Variants in PITPNM2 observed in about 807,000 individuals in gnomAD.
PITPNM2 encodes phosphatidylinositol transfer protein membrane associated 2.
PITPNM2 carries 35 observed loss-of-function variants against 132.2 expected under a neutral mutation model. The observed-to-expected ratio is 0.26, with a 90% CI of 0.20 to 0.35. PITPNM2 has a LOEUF of 0.35. PITPNM2 is among the 10% of genes least tolerant of loss of function. The pLI, the probability that PITPNM2 is intolerant of heterozygous loss-of-function variation, is 1.00. For missense variants in PITPNM2, 1,332 were observed against 1,912.0 expected (o/e 0.70, Z 5.66); for synonymous variants, 738 against 799.2 (o/e 0.92, Z 1.29).
chr12:123,142,494 G>T (rs2043525809), intron 1 of PITPNM2, among the ~76,000 whole-genome samples: 1 of 152,178 alleles, frequency 6.6e-6, no homozygotes, highest in East Asian at 1.9e-4. Context: ...TATTAATGGT[G>T]TTTTAGTGTT....
At chr12:123,038,046 C>T (rs895582893) in intron 2 of PITPNM2, among the ~76,000 whole-genome samples, 4 of 152,150 alleles carry the variant, frequency 2.6e-5, no homozygotes, top group African/African-American at 9.6e-5. Context: ...AGGCTCCTGG[C>T]ACCTGGGTGG....
In PITPNM2 at chr12:122,987,500, C is replaced by T. The variant is rs775096522; in HGVS notation, c.3263+11G>A. On this transcript the variant is annotated intron_variant, in intron 22 of 25. Coordinates refer to ENST00000320201, the MANE Select transcript of PITPNM2 (RefSeq NM_020845.3). ...CCCTGCCTATCCCGCCCTCCCAGTGCAGGCATATACCTGACCACCATCTTG... is the reference window on the plus strand; with the variant it reads ...CCCTGCCTATCCCGCCCTCCCAGTGTAGGCATATACCTGACCACCATCTTG... 1.2e-6 allele frequency: 2 copies of T among 1,611,376 alleles called. No homozygotes were observed. Among genetic ancestry groups the T allele is most frequent in the South Asian group, 2.2e-5 (2 of 91,032 alleles).
At chr12:123,066,919 A>T (rs1439716694) in intron 2 of PITPNM2, among the ~76,000 whole-genome samples, 1 of 152,140 alleles carries the variant, frequency 6.6e-6, no homozygotes, top group Non-Finnish European at 1.5e-5. Context: ...CTGCCAGGCC[A>T]CACTCCCCGG....
chr12:123,042,311 T>G (rs2040511251), intron 2 of PITPNM2, among the ~76,000 whole-genome samples: 1 of 152,192 alleles, frequency 6.6e-6, no homozygotes, highest in Non-Finnish European at 1.5e-5. Context: ...TAAAGTGGAT[T>G]ACTGGGGTTT....
rs975349528 is a variant in PITPNM2 at position 123,034,755 on chromosome 12, G to C, written c.-95-70C>G. 4.7e-6 allele frequency: 3 copies of C among 633,284 alleles called. No individual in the cohort carries two copies. In the African/African-American group the frequency reaches 5.4e-5, roughly 11 times the overall value. 39.2% of individuals were successfully genotyped at this position (633,284 alleles called of 1,614,324 possible). On this transcript the variant is annotated intron_variant, in intron 2 of 25. Transcript: ENST00000320201. ...GGCTGGTGAATACCATAGCACAGAG[G>C]AAAGGCCCGGTCTACACCTGAGGCT...
chr12:123,069,999 C>A (rs1048487495), intron 2 of PITPNM2, among the ~76,000 whole-genome samples: 2 of 152,168 alleles, frequency 1.3e-5, no homozygotes, highest in East Asian at 1.9e-4. Context: ...GCTCATATGA[C>A]AAGCAGGGGC....
chr12:123,005,824 G>A lies in PITPNM2; in HGVS notation c.644-276C>T, dbSNP rs1016259488. 3 of 488,760 alleles carry A rather than the reference G, an allele frequency of 6.1e-6. No individual in the cohort carries two copies. Among genetic ancestry groups the A allele is most frequent in the East Asian group, 6.8e-5 (2 of 29,340 alleles). 30.3% of individuals were successfully genotyped at this position (488,760 alleles called of 1,614,324 possible). ...GGTCAGAAGCCACAGTTGGAAGGGC[G>A]CAGTGGCTCATGCCTGTAATCCCAA... On this transcript the variant is annotated intron_variant, in intron 6 of 25. Coordinates refer to ENST00000320201, the MANE Select transcript of PITPNM2 (RefSeq NM_020845.3). This position sits in a 1 kb window ranked among gnomAD's most constrained non-coding sequence, Gnocchi z 6.2.
In PITPNM2 at chr12:123,099,007, T is replaced by A. The variant is rs1472232366; in HGVS notation, c.-96+11378A>T. 6.6e-6 allele frequency among the ~76,000 whole-genome samples: 1 copy of A among 152,154 alleles called. No individual in the cohort carries two copies. Among genetic ancestry groups the A allele is most frequent in the Non-Finnish European group, 1.5e-5 (1 of 68,018 alleles). On this transcript the variant is annotated intron_variant, in intron 2 of 25. Coordinates refer to ENST00000320201, the MANE Select transcript of PITPNM2 (RefSeq NM_020845.3). This position sits in a 1 kb window ranked among gnomAD's most constrained non-coding sequence, Gnocchi z 4.2. Reference sequence around the variant, plus strand: ...TTGAAATGCTCCCTCTTGTATGAAATCTTCTCCATCAGATGTCAGCTGCTG... The same window carrying A: ...TTGAAATGCTCCCTCTTGTATGAAAACTTCTCCATCAGATGTCAGCTGCTG...
At chr12:123,122,941 T>C (rs1056493834) in intron 1 of PITPNM2, among the ~76,000 whole-genome samples, 1 of 152,204 alleles carries the variant, frequency 6.6e-6, no homozygotes, top group African/African-American at 2.4e-5. Flanking sequence ...GGAGTGTAAA[T>C]TGGTACTACC....
rs548822099 is a variant in PITPNM2 at position 122,993,903 on chromosome 12, C to T, written c.2233+898G>A. 8.7e-4 allele frequency among the ~76,000 whole-genome samples: 131 copies of T among 150,948 alleles called. 2 individuals are homozygous for T. In the South Asian group the frequency reaches 0.018, roughly 21 times the overall value. On this transcript the variant is annotated intron_variant, in intron 15 of 25. Coordinates refer to ENST00000320201, the MANE Select transcript of PITPNM2 (RefSeq NM_020845.3). The surrounding 1 kb of genome is among the most constrained non-coding windows in gnomAD (Gnocchi z 5.2). ...TTTCTTTTTTTTTGAGACTGAGTTT[C>T]GCTTTTGTTGCCCAGGCTGGAGTGC...
intron 1 of PITPNM2, among the ~76,000 whole-genome samples, chr12:123,149,062 T>A (rs1252492851): frequency 1.3e-5 from 2 of 152,236 alleles, no homozygotes; most frequent in African/African-American, 2.4e-5. Flanking sequence ...GGGCCTTAGA[T>A]ACGCAGAGGA....
chr12:123,123,899 G>A (rs1593027886), intron 1 of PITPNM2, among the ~76,000 whole-genome samples: 2 of 146,784 alleles, frequency 1.4e-5, no homozygotes, highest in South Asian at 2.2e-4. Context: ...TCGCACCACC[G>A]CACTCTACCC....
chr12:123,115,591 G>A (rs1436203894), intron 1 of PITPNM2, among the ~76,000 whole-genome samples: 10 of 151,658 alleles, frequency 6.6e-5, no homozygotes, highest in Non-Finnish European at 1.3e-4. Flanking sequence ...ATACACACAC[G>A]CATAACAAAG....
chr12:123,126,162 C>T (rs1202384680), intron 1 of PITPNM2, among the ~76,000 whole-genome samples: 1 of 152,090 alleles, frequency 6.6e-6, no homozygotes, highest in Non-Finnish European at 1.5e-5. Flanking sequence ...AGCCACCATG[C>T]CCAGCCTAGG....
chr12:123,005,603 G>A lies in PITPNM2; in HGVS notation c.644-55C>T. On this transcript the variant is annotated intron_variant, in intron 6 of 25. Coordinates refer to ENST00000320201, the MANE Select transcript of PITPNM2 (RefSeq NM_020845.3). The surrounding 1 kb of genome is among the most constrained non-coding windows in gnomAD (Gnocchi z 6.2). ...GACGAGGGGAGGGAGGTCAGCGCAG[G>A]AGCCTGCACGGAAGTGTGGGGCCCA... 6.5e-7 allele frequency: 1 copy of A among 1,549,824 alleles called. No homozygotes were observed. Among genetic ancestry groups the A allele is most frequent in the Non-Finnish European group, 8.8e-7 (1 of 1,142,010 alleles).
At position 123,004,099 on chromosome 12, in the gene PITPNM2, G is replaced by A. The variant is rs1003386009; in HGVS notation, c.1048+295C>T. Among the ~76,000 whole-genome samples the A allele has an allele frequency of 6.6e-6, 1 of 152,158 alleles. No homozygotes were observed. Among genetic ancestry groups the A allele is most frequent in the Non-Finnish European group, 1.5e-5 (1 of 68,028 alleles). ...TACGGAATAAAGCCCTAGTCTGATG[G>A]TGTATCCTTATTTGGGGTTTCAAGA... On this transcript the variant is annotated intron_variant, in intron 8 of 25. Coordinates refer to ENST00000320201, the MANE Select transcript of PITPNM2 (RefSeq NM_020845.3). This position sits in a 1 kb window ranked among gnomAD's most constrained non-coding sequence, Gnocchi z 4.9.
At position 123,031,265 on chromosome 12, in the gene PITPNM2, A is replaced by C. The variant is rs145413945; in HGVS notation, c.78+3248T>G. 3.3e-5 allele frequency among the ~76,000 whole-genome samples: 5 copies of C among 152,352 alleles called. No individual in the cohort carries two copies. In the East Asian group the frequency reaches 9.7e-4, roughly 29 times the overall value. On this transcript the variant is annotated intron_variant, in intron 3 of 25. Coordinates refer to ENST00000320201, the MANE Select transcript of PITPNM2 (RefSeq NM_020845.3). This position sits in a 1 kb window ranked among gnomAD's most constrained non-coding sequence, Gnocchi z 4.5. Reference sequence around the variant, plus strand: ...TAGCCTGAGCCCCGTCCATGCAGACAGTAGGCAGGCCAGCGTTTTGCCCCT... The same window carrying C: ...TAGCCTGAGCCCCGTCCATGCAGACCGTAGGCAGGCCAGCGTTTTGCCCCT...
At position 123,022,306 on chromosome 12, in the gene PITPNM2, G is replaced by C. The variant is rs557505393; in HGVS notation, c.79-8264C>G. 6.6e-6 allele frequency among the ~76,000 whole-genome samples: 1 copy of C among 152,234 alleles called. No homozygotes were observed. Among genetic ancestry groups the C allele is most frequent in the South Asian group, 2.1e-4 (1 of 4,816 alleles). ...GTGCCTCTGATCAGGATGCGGCTGC[G>C]GAGGAAGGCCCTTTTCATAGCTATA... On this transcript the variant is annotated intron_variant, in intron 3 of 25. Transcript: ENST00000320201. This position sits in a 1 kb window ranked among gnomAD's most constrained non-coding sequence, Gnocchi z 4.9.
intron 3 of PITPNM2, among the ~76,000 whole-genome samples, chr12:123,018,748 TTTTTCTTTTC>T (rs889708329): frequency 6.6e-6 from 1 of 151,698 alleles, no homozygotes; most frequent in East Asian, 1.9e-4. Flanking sequence ...TTCCTTTTTC[TTTTTCTTTTC>T]TTTTCTTTTT....
Sources: gnomAD v4.1 joint callset for allele counts (sites outside exome capture counted in the v4.1 genomes callset) on GRCh38, gnomAD v4.1.1 for gene constraint, Gnocchi (gnomAD v3.1) non-coding constraint, MANE v1.5 for transcripts, NCBI Gene and HGNC (gene_info 2026-07-23, HGNC 2026-07-21) for gene names.